Variants in TYW3 observed in about 807,000 individuals in gnomAD.
TYW3 encodes the protein tRNA-yW synthesizing protein 3 homolog, also known as tRNA wybutosine-synthesizing protein 3 homolog.
Under a neutral mutation model 23.1 loss-of-function variants are expected in TYW3, and 26 were observed. That is an observed-to-expected ratio of 1.13 (90% CI 0.83 to 1.56). The LOEUF (loss-of-function observed/expected upper bound fraction) is 1.56, where lower values mean the gene tolerates loss of function less well. TYW3 is among the 40% of genes most tolerant of loss of function. TYW3 has a pLI of 0.00. For missense variants in TYW3, 316 were observed against 311.9 expected (o/e 1.01, Z -0.10); for synonymous variants, 102 against 105.7 (o/e 0.97, Z 0.21).
At chr1:74,739,282 C>T (rs1277952338) in intron 3 of TYW3, among the ~76,000 whole-genome samples, 1 of 152,020 alleles carries the variant, frequency 6.6e-6, no homozygotes, top group Non-Finnish European at 1.5e-5. Context: ...GTACTAGGGG[C>T]ACAGTGATGA....
Position 74,765,029 on chromosome 1 carries a change from C to T in TYW3, c.*916C>T, listed in dbSNP as rs913701126. 6.6e-6 allele frequency: 1 copy of T among 152,008 alleles called. No homozygotes were observed. The highest frequency in any genetic ancestry group is 2.4e-5 in the African/African-American group (1 of 41,392). 9.4% of individuals were successfully genotyped at this position (152,008 alleles called of 1,614,324 possible). On this transcript the variant is annotated 3_prime_UTR_variant, in exon 6 of 6. Coordinates refer to ENST00000370867, the MANE Select transcript of TYW3 (RefSeq NM_138467.3). ...CATATCAGAATTACCTAGGTCAGGA[C>T]GAGGCATGGAGATGCTACTTTAATA...
At chr1:74,749,883 G>A (rs1377795301) in intron 4 of TYW3, among the ~76,000 whole-genome samples, 1 of 152,120 alleles carries the variant, frequency 6.6e-6, no homozygotes, top group Admixed American at 6.5e-5. Context: ...TTGAACCCAG[G>A]AGGTGGAAGT....
intron 5 of TYW3, among the ~76,000 whole-genome samples, chr1:74,760,113 TA>T (rs1289862629): frequency 6.6e-6 from 1 of 152,212 alleles, no homozygotes; most frequent in East Asian, 1.9e-4. Context: ...AAGAAAATCA[TA>T]AGGAAGAGAA....
At position 74,753,370 on chromosome 1, in the gene TYW3, G is replaced by A. The variant is rs555510883; in HGVS notation, c.560+945G>A. Among the ~76,000 whole-genome samples the A allele has an allele frequency of 3.9e-5, 6 of 152,202 alleles. 1 individual carries two copies. The South Asian group carries it at 1.2e-3, about 32-fold the overall frequency. On this transcript the variant is annotated intron_variant, in intron 5 of 5. Coordinates refer to ENST00000370867, the MANE Select transcript of TYW3 (RefSeq NM_138467.3). ...GCTAAGCCATTCTTTATCAAATCATGTTTGTAAAGTGCAAAGGATTCCTGT... is the reference window on the plus strand; with the variant it reads ...GCTAAGCCATTCTTTATCAAATCATATTTGTAAAGTGCAAAGGATTCCTGT...
intron 3 of TYW3, among the ~76,000 whole-genome samples, chr1:74,740,766 T>C (rs1328535969): frequency 2.6e-5 from 4 of 152,264 alleles, no homozygotes; most frequent in African/African-American, 7.2e-5. Context: ...AGAGTGCTGA[T>C]TGGTGCATTT....
chr1:74,749,148 T>TA lies in TYW3; in HGVS notation c.426+327dup, dbSNP rs535205497. 1.1e-4 allele frequency among the ~76,000 whole-genome samples: 16 copies of TA among 152,352 alleles called. No homozygotes were observed. The South Asian group carries it at 3.3e-3, about 32-fold the overall frequency. On this transcript the variant is annotated intron_variant, in intron 4 of 5. Transcript: ENST00000370867. ...GAGAGTTCAAAGTCCCCTTTACTGA[T>TA]ACCTGCTGGATCACAGCTGTGTGAA...
intron 1 of TYW3, among the ~76,000 whole-genome samples, chr1:74,734,640 A>AT (rs1256937752): frequency 6.6e-6 from 1 of 152,186 alleles, no homozygotes; most frequent in Non-Finnish European, 1.5e-5. Context: ...GTCTTGGGAC[A>AT]TATCCCCTGA....
intron 3 of TYW3, among the ~76,000 whole-genome samples, chr1:74,739,856 G>T (rs1037051622): frequency 1.3e-5 from 2 of 152,182 alleles, no homozygotes; most frequent in Admixed American, 6.5e-5. Flanking sequence ...AGGTGAGAAA[G>T]GAATAGATTC....
chr1:74,752,868 C>T (rs1648833983), intron 5 of TYW3, among the ~76,000 whole-genome samples: 1 of 152,106 alleles, frequency 6.6e-6, no homozygotes, highest in Non-Finnish European at 1.5e-5. Flanking sequence ...ATAAATATTT[C>T]ACTTCTCTGG....
In TYW3 at chr1:74,733,512, T is replaced by C. The variant is rs192109749; in HGVS notation, c.174+94T>C. 6.5e-4 allele frequency: 993 copies of C among 1,522,418 alleles called. 7 individuals are homozygous for C. In the African/African-American group the frequency reaches 0.012, roughly 19 times the overall value. The allele number at this position is 1,522,418 out of a possible 1,614,324, so 94.3% of individuals were successfully genotyped here. A position where few individuals can be genotyped will look rare whatever the true frequency, so the allele number is the denominator to read the frequency against. ...CAGTGACGACCGGATCCAGCATGTC[T>C]GTGTTTGCTCCTCTGAGGGGTGGTC... On this transcript the variant is annotated intron_variant, in intron 1 of 5. Transcript: ENST00000370867.
At chr1:74,743,225 C>G (rs1309009323) in intron 3 of TYW3, among the ~76,000 whole-genome samples, 1 of 152,152 alleles carries the variant, frequency 6.6e-6, no homozygotes, top group African/African-American at 2.4e-5. Context: ...GGTGATTGGC[C>G]TGCTCCATTT....
intron 3 of TYW3, among the ~76,000 whole-genome samples, chr1:74,745,446 T>C (rs1199488754): frequency 6.6e-6 from 1 of 152,008 alleles, no homozygotes; most frequent in Non-Finnish European, 1.5e-5. Context: ...CTACAATCCT[T>C]TAGCTAGACA....
intron 5 of TYW3, among the ~76,000 whole-genome samples, chr1:74,760,751 A>G (rs1164979454): frequency 2.0e-5 from 3 of 152,234 alleles, no homozygotes; most frequent in African/African-American, 7.2e-5. Context: ...TAAAATCTAA[A>G]TACATATTAG....
chr1:74,755,431 A>C (rs1648920230), intron 5 of TYW3, among the ~76,000 whole-genome samples: 1 of 152,222 alleles, frequency 6.6e-6, no homozygotes, highest in East Asian at 1.9e-4. Context: ...GGATCATACA[A>C]TATGCATCCT....
At chr1:74,736,952 G>A (rs1479314340) in intron 2 of TYW3, among the ~76,000 whole-genome samples, 1 of 152,136 alleles carries the variant, frequency 6.6e-6, no homozygotes, top group African/African-American at 2.4e-5. Flanking sequence ...GAAAGAGAAG[G>A]GGATTAGCAC....
chr1:74,747,872 C>CATATGTATGT (rs1480700075), intron 3 of TYW3, among the ~76,000 whole-genome samples: 1 of 115,874 alleles, frequency 8.6e-6, no homozygotes, highest in Non-Finnish European at 2.2e-5. Flanking sequence ...TATACATACA[C>CATATGTATGT]ATACACACAC....
chr1:74,757,277 G>A (rs576960857), intron 5 of TYW3, among the ~76,000 whole-genome samples: 1 of 152,310 alleles, frequency 6.6e-6, no homozygotes, highest in South Asian at 2.1e-4. Flanking sequence ...CTTGTACTGT[G>A]TACCTGGAAA....
chr1:74,754,941 C>G (rs2100772878), intron 5 of TYW3, among the ~76,000 whole-genome samples: 1 of 152,246 alleles, frequency 6.6e-6, no homozygotes, highest in Non-Finnish European at 1.5e-5. Context: ...TATTGACTGA[C>G]TACAAGAGGA....
In TYW3 at chr1:74,764,399, A is replaced by C. The variant is rs1649230396; in HGVS notation, c.*286A>C. 1 of 264,528 alleles carries C rather than the reference A, an allele frequency of 3.8e-6. No homozygotes were observed. Among genetic ancestry groups the C allele is most frequent in the African/African-American group, 2.2e-5 (1 of 45,174 alleles). The allele number at this position is 264,528 out of a possible 1,614,324, so 16.4% of individuals were successfully genotyped here. A position where few individuals can be genotyped will look rare whatever the true frequency, so the allele number is the denominator to read the frequency against. On this transcript the variant is annotated 3_prime_UTR_variant, in exon 6 of 6. Coordinates refer to ENST00000370867, the MANE Select transcript of TYW3 (RefSeq NM_138467.3). Reference sequence around the variant, plus strand: ...CTGCTTAATAAATCAAAGATGTTTGAATGGTGTCTTATTCTGAAATAACCT... The same window carrying C: ...CTGCTTAATAAATCAAAGATGTTTGCATGGTGTCTTATTCTGAAATAACCT...
Sources: gnomAD v4.1 joint callset for allele counts (sites outside exome capture counted in the v4.1 genomes callset) on GRCh38, gnomAD v4.1.1 for gene constraint, MANE v1.5 for transcripts, NCBI Gene and HGNC (gene_info 2026-07-23, HGNC 2026-07-21) for gene names.